TAFA5: variants seen among roughly 807,000 people sequenced by gnomAD.
The protein encoded by TAFA5 is chemokine-like protein TAFA-5.
Under a neutral mutation model 15.3 loss-of-function variants are expected in TAFA5, and 6 were observed. The ratio of observed to expected loss-of-function variants is 0.39; its 90% CI spans 0.21 to 0.77. The LOEUF (loss-of-function observed/expected upper bound fraction) is 0.77, where lower values mean the gene tolerates loss of function less well. Among genes scored for constraint, TAFA5 ranks in the 30% least tolerant of loss-of-function variants. TAFA5 has a pLI of 0.41. For synonymous variants in TAFA5, 103 were observed against 80.7 expected, an observed-to-expected ratio of 1.28 and a Z score of -1.48; for missense variants, 161 against 193.1, an observed-to-expected ratio of 0.83 and a Z score of 0.98.
chr22:48,701,926 G>A (rs539961011), intron 2 of TAFA5, among the ~76,000 whole-genome samples: 49 of 152,338 alleles, frequency 3.2e-4, no homozygotes, highest in African/African-American at 8.4e-4. Context: ...GCGTCATCCC[G>A]GGGACTGGGG....
At chr22:48,691,917 G>C (rs1335152909) in intron 2 of TAFA5, among the ~76,000 whole-genome samples, 1 of 152,170 alleles carries the variant, frequency 6.6e-6, no homozygotes, top group Non-Finnish European at 1.5e-5. Flanking sequence ...TCCATCCTGA[G>C]ACAGCCCCCC....
Position 48,520,951 on chromosome 22 carries a change from G to T in TAFA5, c.112+31247G>T, listed in dbSNP as rs926095667. On this transcript the variant is annotated intron_variant, in intron 1 of 3. Coordinates refer to ENST00000402357, the MANE Select transcript of TAFA5 (RefSeq NM_001082967.3). The stretch of plus-strand genomic sequence containing the variant: ...AGGCAGGTGAGGACCTGTCCCCACC[G>T]TAAGCAGCCAACCCCTGGAAAAGCC... Among the ~76,000 whole-genome samples the T allele has an allele frequency of 2.0e-5, 3 of 152,194 alleles. No homozygotes were observed. The South Asian group carries it at 6.2e-4, about 32-fold the overall frequency.
rs149781946 is a variant in TAFA5 at position 48,696,935 on chromosome 22, A to G, written c.263-10782A>G. Among the ~76,000 whole-genome samples the G allele has an allele frequency of 2.0e-5, 3 of 152,312 alleles. No individual in the cohort carries two copies. The East Asian group carries it at 5.8e-4, about 29-fold the overall frequency. On this transcript the variant is annotated intron_variant, in intron 2 of 3. Coordinates refer to ENST00000402357, the MANE Select transcript of TAFA5 (RefSeq NM_001082967.3). ...AGACCGAAAACCTCCCTGGAAATCCAAGACTCCTTATTGGAGCCCCAATGG... is the reference window on the plus strand; with the variant it reads ...AGACCGAAAACCTCCCTGGAAATCCGAGACTCCTTATTGGAGCCCCAATGG...
At chr22:48,523,970 A>G (rs544833036) in intron 1 of TAFA5, among the ~76,000 whole-genome samples, 3 of 152,302 alleles carry the variant, frequency 2.0e-5, no homozygotes, top group South Asian at 4.1e-4. Flanking sequence ...GCCCACAGCT[A>G]CCACCGCACG....
chr22:48,729,481 A>G (rs1929809450), intron 3 of TAFA5, among the ~76,000 whole-genome samples: 1 of 147,744 alleles, frequency 6.8e-6, no homozygotes. Flanking sequence ...ACAAATATAA[A>G]TCTGAAAAGA....
chr22:48,661,481 G>A (rs144318059), intron 2 of TAFA5, among the ~76,000 whole-genome samples: 16 of 152,334 alleles, frequency 1.1e-4, no homozygotes, highest in Non-Finnish European at 1.6e-4. Context: ...GTTTGTCTGC[G>A]TCTTTCCAAA....
chr22:48,636,148 G>A (rs1330981096), intron 1 of TAFA5, among the ~76,000 whole-genome samples: 2 of 152,248 alleles, frequency 1.3e-5, no homozygotes, highest in Non-Finnish European at 2.9e-5. Context: ...TGGGGACACA[G>A]GGAGGTGTTG....
chr22:48,493,603 T>C (rs187084766), intron 1 of TAFA5, among the ~76,000 whole-genome samples: 1 of 152,222 alleles, frequency 6.6e-6, no homozygotes, highest in Non-Finnish European at 1.5e-5. Flanking sequence ...ATTTCTCATC[T>C]TTTTTTGAAA....
rs551176098 is a variant in TAFA5 at position 48,635,992 on chromosome 22, C to T, written c.113-10605C>T. 2.5e-4 allele frequency among the ~76,000 whole-genome samples: 38 copies of T among 152,382 alleles called. 1 individual carries two copies. The Middle Eastern group carries it at 0.01, about 41-fold the overall frequency. ...GTCCAGGGCGCCTTCCTCCTCCCTC[C>T]CAGCCACCCACACACTTCCTGTGGG... On this transcript the variant is annotated intron_variant, in intron 1 of 3. Coordinates refer to ENST00000402357, the MANE Select transcript of TAFA5 (RefSeq NM_001082967.3).
chr22:48,721,785 A>G (rs1929576762), intron 3 of TAFA5, among the ~76,000 whole-genome samples: 1 of 152,154 alleles, frequency 6.6e-6, no homozygotes, highest in African/African-American at 2.4e-5. Context: ...CCCGGCCAAC[A>G]TGGTGAAACC....
intron 1 of TAFA5, among the ~76,000 whole-genome samples, chr22:48,602,888 G>A (rs1228613266): frequency 6.6e-6 from 1 of 152,204 alleles, no homozygotes; most frequent in Admixed American, 6.5e-5. Context: ...GACGTGCGGG[G>A]CTGGAGGAGC....
At chr22:48,571,270 G>GTTT (rs1658824577) in intron 1 of TAFA5, among the ~76,000 whole-genome samples, 1 of 115,864 alleles carries the variant, frequency 8.6e-6, no homozygotes, top group African/African-American at 3.1e-5. Flanking sequence ...GTTGTTGTTT[G>GTTT]CTTTTTTTTT....
intron 3 of TAFA5, 113 bp from the exon 4 acceptor site, chr22:48,749,726 G>A: frequency 2.5e-6 from 3 of 1,211,564 alleles, no homozygotes; most frequent in Non-Finnish European, 2.4e-6. Flanking sequence ...TTCGTTTCAG[G>A]CCCTCCAGGA....
rs1355724803 is a variant in TAFA5, at chr22:48,489,685, C to T, written c.93C>T (p.Ser31=). Residue 31 remains serine, a synonymous_variant, in exon 1 of 4, where the codon AGC becomes AGT. Transcript: ENST00000402357. This position sits in a 1 kb window ranked among gnomAD's most constrained non-coding sequence, Gnocchi z 5.5. ...STFWAFMILA[S]LLIAYCSQLA... ...TCTGGGCGTTCATGATCCTGGCCAG[C>T]CTGCTCATCGCCTACTGCAGTGAGT... 6.6e-6 allele frequency: 10 copies of T among 1,518,026 alleles called. No individual in the cohort carries two copies. Among genetic ancestry groups the T allele is most frequent in the East Asian group, 2.8e-5 (1 of 35,868 alleles). 94.0% of individuals were successfully genotyped at this position (1,518,026 alleles called of 1,614,324 possible).
chr22:48,513,361 C>A (rs1374965826), intron 1 of TAFA5, among the ~76,000 whole-genome samples: 1 of 152,232 alleles, frequency 6.6e-6, no homozygotes, highest in African/African-American at 2.4e-5. Flanking sequence ...GTTTCCAAGA[C>A]CCTCAGGTCC....
At chr22:48,717,669 G>A (rs1246675302) in intron 3 of TAFA5, among the ~76,000 whole-genome samples, 2 of 152,238 alleles carry the variant, frequency 1.3e-5, no homozygotes, top group East Asian at 1.9e-4. Context: ...TCTCTGTCGG[G>A]CACTGCAGGT....
chr22:48,700,462 A>G (rs751372355), intron 2 of TAFA5, among the ~76,000 whole-genome samples: 1 of 152,000 alleles, frequency 6.6e-6, no homozygotes, highest in Non-Finnish European at 1.5e-5. Context: ...CTGAAAAAGA[A>G]CGGTCTCAGG....
At chr22:48,561,885 G>A (rs1322864316) in intron 1 of TAFA5, among the ~76,000 whole-genome samples, 3 of 152,240 alleles carry the variant, frequency 2.0e-5, no homozygotes, top group Non-Finnish European at 4.4e-5. Context: ...CAGTGACGCG[G>A]GATCAGAGTC....
At chr22:48,528,535 C>G (rs1172185628) in intron 1 of TAFA5, among the ~76,000 whole-genome samples, 1 of 152,098 alleles carries the variant, frequency 6.6e-6, no homozygotes, top group Non-Finnish European at 1.5e-5. Flanking sequence ...TGGTCTTCAC[C>G]CCCTAGGAGC....
Sources: allele counts gnomAD v4.1 joint callset (sites outside exome capture counted in the v4.1 genomes callset), GRCh38; gene constraint gnomAD v4.1.1; non-coding constraint Gnocchi (gnomAD v3.1); transcripts MANE v1.5; gene names NCBI Gene and HGNC (gene_info 2026-07-23, HGNC 2026-07-21).